The following ZNF469 variants were observed in gnomAD, a reference collection of about 807,000 sequenced individuals.
The protein encoded by ZNF469 is zinc finger protein 469.
In ZNF469, 1 loss-of-function variant was observed where a neutral mutation model predicts 1.0. That is an observed-to-expected ratio of 1.00 (90% CI 0.35 to 4.73). The LOEUF (loss-of-function observed/expected upper bound fraction) is 4.73. Ranked by LOEUF, ZNF469 falls within the 30% of genes most tolerant of loss-of-function variation. ZNF469 has a pLI of 0.16. For missense variants in ZNF469, 6,100 were observed against 5,356.3 expected (o/e 1.14, Z -4.33); for synonymous variants, 2,703 against 2,363.4 (o/e 1.14, Z -4.17).
chr16:88,429,635 C>T lies in ZNF469; in HGVS notation c.2165C>T (p.Ala722Val). Residue 722 changes from alanine to valine, a missense_variant, in exon 3 of 3, where the codon GCC becomes GTC. Coordinates refer to ENST00000565624, the MANE Select transcript of ZNF469 (RefSeq NM_001367624.2). ...ACACACCACTTCTCCCTCAGCAGCG[C>T]CAGCCTGGACCAGCTGGACGTGCTG... Reference protein sequence around the residue: ...YPTHHFSLSSASLDQLDVLLT... With the variant: ...YPTHHFSLSSVSLDQLDVLLT... 6.5e-7 allele frequency: 1 copy of T among 1,543,646 alleles called. No individual in the cohort carries two copies. Among genetic ancestry groups the T allele is most frequent in the Non-Finnish European group, 8.8e-7 (1 of 1,142,570 alleles).
the ZNF469 span, among the ~76,000 whole-genome samples, chr16:88,170,790 T>C: frequency 8.9e-4 from 136 of 152,228 alleles, no homozygotes; most frequent in African/African-American, 3.1e-3. The surrounding 1 kb of genome is among the most constrained non-coding windows in gnomAD (Gnocchi z 4.2). Flanking sequence ...GTTGATGGGG[T>C]TGCAGGATCA....
chr16:88,312,449 T>G, the ZNF469 span, among the ~76,000 whole-genome samples: 1 of 152,238 alleles, frequency 6.6e-6, no homozygotes, highest in Non-Finnish European at 1.5e-5. Context: ...CTGTTTCTGA[T>G]ATATAAGTTG....
intron 1 of ZNF469, among the ~76,000 whole-genome samples, chr16:88,394,737 G>T (rs966446108): frequency 1.3e-5 from 2 of 152,198 alleles, no homozygotes; most frequent in Admixed American, 6.5e-5. Context: ...AAGGTGCAGT[G>T]CCTGAGGGAA....
chr16:88,370,117 C>T, the ZNF469 span, among the ~76,000 whole-genome samples: 34 of 152,360 alleles, frequency 2.2e-4, no homozygotes, highest in Middle Eastern at 6.8e-3. Context: ...TCTGTCTTCC[C>T]ACTGTTCCCA....
At chr16:88,141,018 G>A in the ZNF469 span, among the ~76,000 whole-genome samples, 78 of 152,262 alleles carry the variant, frequency 5.1e-4, 1 homozygote, top group African/African-American at 1.7e-3. Flanking sequence ...AATTGGTCAC[G>A]TTTGAAAGAG....
the ZNF469 span, among the ~76,000 whole-genome samples, chr16:88,137,499 C>A: frequency 6.7e-6 from 1 of 150,284 alleles, no homozygotes; most frequent in African/African-American, 2.4e-5. Flanking sequence ...CACATATGAC[C>A]GTGTGTGCAT....
the ZNF469 span, among the ~76,000 whole-genome samples, chr16:88,113,463 C>T: frequency 8.5e-5 from 13 of 152,268 alleles, no homozygotes; most frequent in East Asian, 1.9e-3. Context: ...TGGCTTCTGG[C>T]GCTTTGACAC....
chr16:88,267,861 G>A, the ZNF469 span, among the ~76,000 whole-genome samples: 1 of 152,184 alleles, frequency 6.6e-6, no homozygotes, highest in African/African-American at 2.4e-5. Flanking sequence ...ATTCCTTGGG[G>A]TGGCACTGCC....
chr16:88,320,775 GT>G, the ZNF469 span, among the ~76,000 whole-genome samples: 2 of 152,188 alleles, frequency 1.3e-5, no homozygotes, highest in Non-Finnish European at 2.9e-5. Context: ...TGTCCATGTA[GT>G]CTCATTGCTG....
chr16:88,390,769 G>A lies in ZNF469; in HGVS notation c.-192+7515G>A, dbSNP rs77935891. ...GGGGAAGGCGTCTCTGAGCTGGGTGGGTTTTGAACGGTGACTGGGAGTTCT... is the reference window on the plus strand; with the variant it reads ...GGGGAAGGCGTCTCTGAGCTGGGTGAGTTTTGAACGGTGACTGGGAGTTCT... On this transcript the variant is annotated intron_variant, in intron 1 of 2. Transcript: ENST00000565624. Among the ~76,000 whole-genome samples, 4 of 152,318 alleles carry A rather than the reference G, an allele frequency of 2.6e-5. No individual in the cohort carries two copies. In the East Asian group the frequency reaches 7.7e-4, roughly 29 times the overall value.
At chr16:88,172,265 T>TG in the ZNF469 span, among the ~76,000 whole-genome samples, 1 of 152,148 alleles carries the variant, frequency 6.6e-6, no homozygotes, top group African/African-American at 2.4e-5. Context: ...TGCTGAAGGC[T>TG]GGGGAAACAC....
chr16:88,349,581 C>G, the ZNF469 span, among the ~76,000 whole-genome samples: 2 of 150,046 alleles, frequency 1.3e-5, no homozygotes, highest in Admixed American at 6.6e-5. Context: ...ACACCAAGCA[C>G]AATACACACA....
chr16:88,411,613 A>T lies in ZNF469; in HGVS notation c.-191-13194A>T, dbSNP rs137914246. ...GACCCCTTGGCCTGCCTCAGGGAGA[A>T]CGGGGTGTAGGGAGCCCCAGGAAGC... On this transcript the variant is annotated intron_variant, in intron 1 of 2. Coordinates refer to ENST00000565624, the MANE Select transcript of ZNF469 (RefSeq NM_001367624.2). Among the ~76,000 whole-genome samples the T allele has an allele frequency of 5.3e-3, 813 of 152,022 alleles. 18 individuals carry two copies. The highest frequency in any genetic ancestry group is 0.042 in the Admixed American group (648 of 15,268).
the ZNF469 span, among the ~76,000 whole-genome samples, chr16:88,285,247 C>A: frequency 2.0e-5 from 3 of 152,260 alleles, no homozygotes; most frequent in Non-Finnish European, 4.4e-5. Context: ...CCCCGCCTCC[C>A]GCAATGGAGC....
At chr16:88,233,140 C>T in the ZNF469 span, among the ~76,000 whole-genome samples, 13 of 152,168 alleles carry the variant, frequency 8.5e-5, no homozygotes, top group East Asian at 2.5e-3. Flanking sequence ...GAACTGAGGC[C>T]GTGTGAAGGC....
the ZNF469 span, among the ~76,000 whole-genome samples, chr16:88,119,629 C>G: frequency 1.5e-4 from 23 of 152,212 alleles, no homozygotes; most frequent in African/African-American, 5.3e-4. Flanking sequence ...GGTGGAGACA[C>G]AGGTGCCGGA....
At chr16:88,330,904 A>G in the ZNF469 span, among the ~76,000 whole-genome samples, 8 of 152,182 alleles carry the variant, frequency 5.3e-5, no homozygotes, top group African/African-American at 1.9e-4. Flanking sequence ...CATGTCTGCA[A>G]AAGCACCTGG....
the ZNF469 span, among the ~76,000 whole-genome samples, chr16:88,266,579 G>A: frequency 6.6e-6 from 1 of 152,264 alleles, no homozygotes; most frequent in African/African-American, 2.4e-5. Context: ...CAGGTAAATG[G>A]TGGAGGTTGG....
At chr16:88,171,040 T>C in the ZNF469 span, among the ~76,000 whole-genome samples, 1 of 152,192 alleles carries the variant, frequency 6.6e-6, no homozygotes, top group Non-Finnish European at 1.5e-5. Flanking sequence ...ACTGTAGTAA[T>C]ACAAATGTCT....
Sources: allele counts gnomAD v4.1 joint callset (sites outside exome capture counted in the v4.1 genomes callset), GRCh38; gene constraint gnomAD v4.1.1; non-coding constraint Gnocchi (gnomAD v3.1); transcripts MANE v1.5; gene names NCBI Gene and HGNC (gene_info 2026-07-23, HGNC 2026-07-21).